DENND5B: variants seen among roughly 807,000 people sequenced by gnomAD.
DENND5B encodes DENN domain containing 5B.
In DENND5B, 34 loss-of-function variants were observed where a neutral mutation model predicts 140.6. That is an observed-to-expected ratio of 0.24 (90% CI 0.18 to 0.32). DENND5B has a LOEUF of 0.32. Among genes scored for constraint, DENND5B ranks in the 10% least tolerant of loss-of-function variants. The pLI is 1.00. For synonymous variants in DENND5B, 551 were observed against 562.1 expected, an observed-to-expected ratio of 0.98 and a Z score of 0.28; for missense variants, 1,142 against 1,560.2, an observed-to-expected ratio of 0.73 and a Z score of 4.52.
chr12:31,566,338 CTGTGTGTGTG>C (rs6144677), intron 1 of DENND5B, among the ~76,000 whole-genome samples: 57,829 of 148,484 alleles, frequency 0.39, 11,598 homozygotes, highest in Admixed American at 0.56. Context: ...CTCTTAAAAA[CTGTGTGTGTG>C]TGTGTGTGTG....
At chr12:31,565,622 C>A (rs1181130183) in intron 1 of DENND5B, among the ~76,000 whole-genome samples, 1 of 151,952 alleles carries the variant, frequency 6.6e-6, no homozygotes, top group Non-Finnish European at 1.5e-5. Flanking sequence ...ATATAAATGC[C>A]CTGCTCTCTA....
At chr12:31,515,984 T>C (rs1947624823) in intron 1 of DENND5B, among the ~76,000 whole-genome samples, 1 of 152,202 alleles carries the variant, frequency 6.6e-6, no homozygotes, top group South Asian at 2.1e-4. Flanking sequence ...AATTTAAATA[T>C]ATGCATTAAA....
At chr12:31,399,539 A>G in intron 16 of DENND5B, 115 bp downstream of exon 16, 1 of 792,074 alleles carries the variant, frequency 1.3e-6, no homozygotes, top group South Asian at 2.0e-5. Context: ...TTGGCCTCTC[A>G]AAGTGCTGGG....
chr12:31,402,661 A>C lies in DENND5B; in HGVS notation c.2804-18T>G. 2 of 1,580,868 alleles carry C rather than the reference A, an allele frequency of 1.3e-6. No individual in the cohort carries two copies. Among genetic ancestry groups the C allele is most frequent in the Non-Finnish European group, 8.6e-7 (1 of 1,162,956 alleles). On this transcript the variant is annotated intron_variant, in intron 14 of 20. Transcript: ENST00000389082. ...CGGAATCACTGAAAGAAAAATGCAG[A>C]AATTAATTAAAAAGCGGGAATAAAA...
rs547765885 is a variant in DENND5B, at chr12:31,392,187, A to C, written c.3466+80T>G. The C allele has an allele frequency of 6.2e-5, 94 of 1,514,628 alleles. No individual in the cohort carries two copies. In the African/African-American group the frequency reaches 1.2e-3, roughly 19 times the overall value. 93.8% of individuals were successfully genotyped at this position (1,514,628 alleles called of 1,614,324 possible). A position where few individuals can be genotyped will look rare whatever the true frequency, so the allele number is the denominator to read the frequency against. On this transcript the variant is annotated intron_variant, in intron 19 of 20. Coordinates refer to ENST00000389082, the MANE Select transcript of DENND5B (RefSeq NM_144973.4). ...ATATATATCCTTATCACTAACCCTT[A>C]TTCACTCAGATTCCTGGGTCTTTGA...
Position 31,392,625 on chromosome 12 carries a change from GT to G in DENND5B, c.3327del (p.Lys1109AsnfsTer47). ...TAGCCCATAAATACCTCTTTTTCAGGTTTATGAAAATGTTTCACAATATTGT... is the reference window on the plus strand; with the variant it reads ...TAGCCCATAAATACCTCTTTTTCAGGTTATGAAAATGTTTCACAATATTGT... ...AVNNIVKHFH[K>X]PEKERGSLTV... On this transcript the variant is annotated frameshift_variant, in exon 18 of 21. Transcript: ENST00000389082. LOFTEE classifies it high-confidence loss of function. The G allele has an allele frequency of 6.4e-7, 1 of 1,556,330 alleles. No homozygotes were observed. Among genetic ancestry groups the G allele is most frequent in the Non-Finnish European group, 8.7e-7 (1 of 1,149,186 alleles).
chr12:31,412,774 G>A (rs1942532427), intron 13 of DENND5B, among the ~76,000 whole-genome samples: 1 of 151,974 alleles, frequency 6.6e-6, no homozygotes, highest in Admixed American at 6.6e-5. Context: ...TTTTACTCCA[G>A]GTTTTATCTG....
intron 1 of DENND5B, among the ~76,000 whole-genome samples, chr12:31,545,638 T>C (rs1310703392): frequency 6.6e-6 from 1 of 152,118 alleles, no homozygotes; most frequent in Non-Finnish European, 1.5e-5. Context: ...ATATTTCAAA[T>C]GTTTAGTGAA....
At chr12:31,554,524 A>G (rs1230702607) in intron 1 of DENND5B, among the ~76,000 whole-genome samples, 1 of 152,120 alleles carries the variant, frequency 6.6e-6, no homozygotes, top group Non-Finnish European at 1.5e-5. Flanking sequence ...ACTTTGGTGA[A>G]TCTGACAATT....
At chr12:31,578,385 GC>G (rs1950097503) in intron 1 of DENND5B, among the ~76,000 whole-genome samples, 1 of 152,148 alleles carries the variant, frequency 6.6e-6, no homozygotes, top group African/African-American at 2.4e-5. Flanking sequence ...GGAAAGTAAA[GC>G]AAACAGACTG....
At chr12:31,453,413 T>A (rs1944626313) in intron 4 of DENND5B, among the ~76,000 whole-genome samples, 1 of 152,182 alleles carries the variant, frequency 6.6e-6, no homozygotes, top group South Asian at 2.1e-4. Flanking sequence ...GCCAAGCATA[T>A]GTATAAAGTT....
At chr12:31,509,297 G>A (rs950491978) in intron 1 of DENND5B, among the ~76,000 whole-genome samples, 13 of 152,158 alleles carry the variant, frequency 8.5e-5, no homozygotes, top group African/African-American at 3.1e-4. Flanking sequence ...AGCCATCTAA[G>A]TATTATTATC....
chr12:31,414,839 T>C (rs1942640222), intron 12 of DENND5B, among the ~76,000 whole-genome samples: 1 of 151,744 alleles, frequency 6.6e-6, no homozygotes, highest in African/African-American at 2.4e-5. Context: ...GAAGAATTGC[T>C]TGAACCCGGG....
chr12:31,397,087 T>C (rs1941513719), intron 17 of DENND5B, among the ~76,000 whole-genome samples: 1 of 152,176 alleles, frequency 6.6e-6, no homozygotes. Flanking sequence ...ATTTAGTCTA[T>C]TAAAGCCTAC....
At chr12:31,434,079 T>C (rs1186940006) in intron 7 of DENND5B, among the ~76,000 whole-genome samples, 1 of 152,212 alleles carries the variant, frequency 6.6e-6, no homozygotes, top group Non-Finnish European at 1.5e-5. Context: ...TGTGATTCCT[T>C]TTTGCTCTAA....
rs1235762259 is a variant in DENND5B at position 31,591,040 on chromosome 12, G to A, written c.-208C>T. 2 of 338,918 alleles carry A rather than the reference G, an allele frequency of 5.9e-6. No homozygotes were observed. The highest frequency in any genetic ancestry group is 4.5e-5 in the African/African-American group (2 of 44,428). 21.0% of individuals were successfully genotyped at this position (338,918 alleles called of 1,614,324 possible). A position where few individuals can be genotyped will look rare whatever the true frequency, so the allele number is the denominator to read the frequency against. ...CCGCGGGCTCGCGCGCGGCGGGTCC[G>A]GAGCCCGGCCGGGTGGGGGAGGGGC... On this transcript the variant is annotated 5_prime_UTR_variant, in exon 1 of 21. Transcript: ENST00000389082.
intron 8 of DENND5B, 132 bp from the exon 9 acceptor site, chr12:31,426,556 T>G: frequency 9.5e-7 from 1 of 1,049,160 alleles, no homozygotes; most frequent in Admixed American, 3.0e-5. Context: ...ATAACAACAA[T>G]TAATGTTTTA....
intron 1 of DENND5B, among the ~76,000 whole-genome samples, chr12:31,583,479 C>T (rs1448810029): frequency 2.0e-5 from 3 of 151,640 alleles, no homozygotes; most frequent in African/African-American, 7.3e-5. Flanking sequence ...GAGTTCAAGA[C>T]CAGCCTGGCC....
intron 19 of DENND5B, 88 bp downstream of exon 19, chr12:31,392,179 T>C (rs1941184014): frequency 2.1e-6 from 3 of 1,401,002 alleles, no homozygotes; most frequent in Non-Finnish European, 2.9e-6. Flanking sequence ...TCCTTATCAC[T>C]AACCCTTATT....
Sources: allele counts gnomAD v4.1 joint callset (sites outside exome capture counted in the v4.1 genomes callset), GRCh38; gene constraint gnomAD v4.1.1; transcripts MANE v1.5; gene names NCBI Gene and HGNC (gene_info 2026-07-23, HGNC 2026-07-21).